TMEM38B: variants seen among roughly 807,000 people sequenced by gnomAD.
The protein encoded by TMEM38B is trimeric intracellular cation channel type B.
In TMEM38B, 24 loss-of-function variants were observed where a neutral mutation model predicts 28.7. That is an observed-to-expected ratio of 0.84 (90% CI 0.61 to 1.18). The LOEUF is 1.18. Ranked by LOEUF, TMEM38B falls within the 50% of genes most tolerant of loss-of-function variation. The pLI is 0.00. For missense variants in TMEM38B, 380 were observed against 350.9 expected, an observed-to-expected ratio of 1.08 and a Z score of -0.66; for synonymous variants, 131 against 127.7, an observed-to-expected ratio of 1.03 and a Z score of -0.17.
intron 1 of TMEM38B, among the ~76,000 whole-genome samples, chr9:105,699,902 G>A (rs1238656968): frequency 6.6e-6 from 1 of 152,052 alleles, no homozygotes; most frequent in Non-Finnish European, 1.5e-5. Context: ...GGAATATGCT[G>A]TTTTGGTGGT....
chr9:105,755,405 C>G (rs1837800305), intron 5 of TMEM38B, among the ~76,000 whole-genome samples: 1 of 152,116 alleles, frequency 6.6e-6, no homozygotes, highest in African/African-American at 2.4e-5. Context: ...ACACATTTAC[C>G]TGTGTAACAA....
At chr9:105,757,485 A>G (rs577175722) in intron 5 of TMEM38B, among the ~76,000 whole-genome samples, 16 of 152,330 alleles carry the variant, frequency 1.1e-4, no homozygotes, top group African/African-American at 3.6e-4. Context: ...GAATCTCCAT[A>G]CTGTTTTCCA....
intron 4 of TMEM38B, among the ~76,000 whole-genome samples, chr9:105,729,607 A>T (rs1309397683): frequency 1.3e-5 from 2 of 152,046 alleles, no homozygotes; most frequent in African/African-American, 4.8e-5. Flanking sequence ...GTTTTTTCCA[A>T]TTCTGTGAAG....
intron 4 of TMEM38B, among the ~76,000 whole-genome samples, chr9:105,726,244 A>C (rs1836508062): frequency 6.6e-6 from 1 of 152,132 alleles, no homozygotes; most frequent in Admixed American, 6.6e-5. Context: ...TCTAACTGTA[A>C]TATTTTTACT....
intron 5 of TMEM38B, among the ~76,000 whole-genome samples, chr9:105,754,568 G>T (rs570571083): frequency 3.3e-5 from 5 of 152,308 alleles, no homozygotes; most frequent in African/African-American, 1.2e-4. Flanking sequence ...TCAAGAAGTT[G>T]TTTGAAACTA....
intron 2 of TMEM38B, chr9:105,710,591 T>C (rs1326434793): frequency 1.2e-6 from 1 of 824,876 alleles, no homozygotes; most frequent in Non-Finnish European, 2.1e-6. Flanking sequence ...GTCTTCAGCA[T>C]CAGGAACACC....
chr9:105,707,338 T>C (rs975375103), intron 2 of TMEM38B, among the ~76,000 whole-genome samples: 1 of 152,218 alleles, frequency 6.6e-6, no homozygotes, highest in Non-Finnish European at 1.5e-5. Flanking sequence ...CGGAATTGCC[T>C]TGAATTCTTG....
At chr9:105,756,348 T>C (rs1041566702) in intron 5 of TMEM38B, among the ~76,000 whole-genome samples, 3 of 152,200 alleles carry the variant, frequency 2.0e-5, no homozygotes, top group Non-Finnish European at 4.4e-5. Flanking sequence ...ATTCTTGTCT[T>C]TTTCTTGATC....
At chr9:105,699,317 T>A (rs921524330) in intron 1 of TMEM38B, among the ~76,000 whole-genome samples, 4 of 152,126 alleles carry the variant, frequency 2.6e-5, no homozygotes, top group Admixed American at 2.6e-4. Flanking sequence ...CTTTTTCCTA[T>A]CCCCCCAGTG....
rs187554503 is a variant in TMEM38B at position 105,748,208 on chromosome 9, C to G, written c.660+18C>G. ...CCACAAAGGTAAGAATTCAAAGTAC[C>G]TATAATTATTACAAATCCTGTATAA... On this transcript the variant is annotated intron_variant, in intron 5 of 5. Transcript: ENST00000374692. 3.9e-6 allele frequency: 6 copies of G among 1,544,762 alleles called. No individual in the cohort carries two copies. The highest frequency in any genetic ancestry group is 1.7e-5 in the Admixed American group (1 of 59,466).
intron 4 of TMEM38B, among the ~76,000 whole-genome samples, chr9:105,730,943 G>C (rs1374786773): frequency 6.6e-6 from 1 of 152,012 alleles, no homozygotes; most frequent in African/African-American, 2.4e-5. Context: ...GCGTCTATTT[G>C]ATTCTTCTCT....
intron 5 of TMEM38B, among the ~76,000 whole-genome samples, chr9:105,763,250 C>T (rs559246958): frequency 2.0e-5 from 3 of 152,238 alleles, no homozygotes; most frequent in African/African-American, 7.2e-5. Context: ...TGTGCAGAAG[C>T]TCTTTAGTTT....
intron 4 of TMEM38B, among the ~76,000 whole-genome samples, chr9:105,741,574 T>A (rs1015853659): frequency 6.6e-6 from 1 of 152,208 alleles, no homozygotes; most frequent in Non-Finnish European, 1.5e-5. Flanking sequence ...TTATCCTTGT[T>A]ATATTGTGGT....
At chr9:105,772,794 C>A (rs1464497307) in intron 5 of TMEM38B, among the ~76,000 whole-genome samples, 1 of 152,056 alleles carries the variant, frequency 6.6e-6, no homozygotes, top group African/African-American at 2.4e-5. Flanking sequence ...TGATAGTACA[C>A]TATGGCTCTT....
At chr9:105,713,996 G>A (rs1245180938) in intron 2 of TMEM38B, among the ~76,000 whole-genome samples, 11 of 152,108 alleles carry the variant, frequency 7.2e-5, no homozygotes, top group Admixed American at 7.2e-4. Context: ...TGAGAGCTGA[G>A]CACGGAGGAG....
chr9:105,754,256 G>T (rs1837756333), intron 5 of TMEM38B, among the ~76,000 whole-genome samples: 1 of 152,030 alleles, frequency 6.6e-6, no homozygotes, highest in African/African-American at 2.4e-5. Flanking sequence ...AGATATTCAG[G>T]ACCTGACCTC....
chr9:105,753,953 A>G (rs1564412289), intron 5 of TMEM38B, among the ~76,000 whole-genome samples: 1 of 152,226 alleles, frequency 6.6e-6, no homozygotes, highest in African/African-American at 2.4e-5. Context: ...TAGGCTCAAA[A>G]TAAAGGGATG....
chr9:105,726,997 A>G (rs1291104560), intron 4 of TMEM38B, among the ~76,000 whole-genome samples: 2 of 152,040 alleles, frequency 1.3e-5, no homozygotes, highest in African/African-American at 2.4e-5. Flanking sequence ...TCAATTTTTC[A>G]TAGACTACTG....
At chr9:105,756,038 C>G (rs1335891787) in intron 5 of TMEM38B, among the ~76,000 whole-genome samples, 2 of 152,128 alleles carry the variant, frequency 1.3e-5, no homozygotes, top group African/African-American at 2.4e-5. Flanking sequence ...CAAGACCAGT[C>G]TGGCCAACAT....
Sources: gnomAD v4.1 joint callset for allele counts (sites outside exome capture counted in the v4.1 genomes callset) on GRCh38, gnomAD v4.1.1 for gene constraint, MANE v1.5 for transcripts, NCBI Gene and HGNC (gene_info 2026-07-23, HGNC 2026-07-21) for gene names.